Variants in ANKRD28 observed in about 807,000 individuals in gnomAD.
ANKRD28 encodes the protein serine/threonine-protein phosphatase 6 regulatory ankyrin repeat subunit A.
A neutral mutation model predicts 126.5 loss-of-function variants in ANKRD28; 44 were observed. That is an observed-to-expected ratio of 0.35 (90% CI 0.27 to 0.45). ANKRD28 has a LOEUF of 0.45. Among genes scored for constraint, ANKRD28 ranks in the 20% least tolerant of loss-of-function variants. The probability of loss-of-function intolerance (pLI) is 1.00; values close to 1 mark genes in which losing one functional copy is unlikely to be tolerated. For missense variants in ANKRD28, 1,110 were observed against 1,316.6 expected (o/e 0.84, Z 2.43); for synonymous variants, 442 against 468.5 (o/e 0.94, Z 0.73).
intron 1 of ANKRD28, among the ~76,000 whole-genome samples, chr3:15,829,819 T>A (rs2061150652): frequency 6.6e-6 from 1 of 152,160 alleles, no homozygotes; most frequent in East Asian, 1.9e-4. Flanking sequence ...GTGGCTTTCC[T>A]TGAAGTGACA....
chr3:15,696,266 AT>A (rs1289984673), intron 14 of ANKRD28, 21 bp from the exon 15 acceptor site: 2 of 1,432,492 alleles, frequency 1.4e-6, no homozygotes, highest in Non-Finnish European at 1.9e-6. Context: ...CAACAACAAC[AT>A]ACTGAAAATC....
chr3:15,810,610 G>T (rs997601381), intron 1 of ANKRD28, among the ~76,000 whole-genome samples: 1 of 151,294 alleles, frequency 6.6e-6, no homozygotes, highest in African/African-American at 2.4e-5. Flanking sequence ...TCTTAATTAC[G>T]TTAAATAGAA....
At chr3:15,682,612 G>T (rs927566479) in intron 21 of ANKRD28, among the ~76,000 whole-genome samples, 12 of 152,108 alleles carry the variant, frequency 7.9e-5, no homozygotes, top group African/African-American at 2.9e-4. Flanking sequence ...TGAACTTTTA[G>T]TATCTACAGC....
chr3:15,742,909 C>T (rs866718229), intron 4 of ANKRD28, among the ~76,000 whole-genome samples: 1,592 of 149,420 alleles, frequency 0.011, 16 homozygotes, highest in African/African-American at 0.026. Context: ...GCCATGATGA[C>T]AATGGTGGTT....
At chr3:15,697,840 G>A (rs577406245) in intron 14 of ANKRD28, among the ~76,000 whole-genome samples, 56 of 152,214 alleles carry the variant, frequency 3.7e-4, no homozygotes, top group African/African-American at 1.3e-3. Flanking sequence ...GGTAGAATTC[G>A]GCTGTGAATC....
intron 3 of ANKRD28, among the ~76,000 whole-genome samples, chr3:15,757,091 G>A (rs1228506671): frequency 2.6e-5 from 4 of 152,016 alleles, no homozygotes; most frequent in South Asian, 2.1e-4. Context: ...GATGATCTGC[G>A]TCCATTCAAT....
At chr3:15,859,139 C>G (rs1391779258) in intron 1 of ANKRD28, among the ~76,000 whole-genome samples, 2 of 152,224 alleles carry the variant, frequency 1.3e-5, no homozygotes, top group Non-Finnish European at 2.9e-5. Flanking sequence ...ACCCGCCCCT[C>G]TTGCTGCAGC....
rs2060797797 is a variant in ANKRD28 at position 15,814,737 on chromosome 3, A to G, written c.28-19431T>C. 6.6e-6 allele frequency among the ~76,000 whole-genome samples: 1 copy of G among 152,034 alleles called. No individual in the cohort carries two copies. Among genetic ancestry groups the G allele is most frequent in the Admixed American group, 6.6e-5 (1 of 15,260 alleles). ...TTTACCCATGGGGACGTGTTGATTT[A>G]AGAAACTGCCTATGAAAAGTTTAAA... On this transcript the variant is annotated intron_variant, in intron 1 of 27. Coordinates refer to the ANKRD28 transcript ENST00000399451. The surrounding 1 kb of genome is among the most constrained non-coding windows in gnomAD (Gnocchi z 4.7).
intron 1 of ANKRD28, among the ~76,000 whole-genome samples, chr3:15,849,344 A>G (rs1223188128): frequency 1.3e-5 from 2 of 152,218 alleles, no homozygotes; most frequent in Non-Finnish European, 2.9e-5. Context: ...CCAAAATCTT[A>G]AAAAACAAAA....
At chr3:15,706,037 C>T (rs529532947) in intron 14 of ANKRD28, among the ~76,000 whole-genome samples, 3 of 97,754 alleles carry the variant, frequency 3.1e-5, no homozygotes, top group South Asian at 2.8e-4. Context: ...AAAAAACCCA[C>T]AAAAACAAAC....
At chr3:15,820,499 T>G (rs2060919306) in intron 1 of ANKRD28, among the ~76,000 whole-genome samples, 1 of 152,174 alleles carries the variant, frequency 6.6e-6, no homozygotes, top group Admixed American at 6.5e-5. Flanking sequence ...ATACATTCAT[T>G]TTTTAAAAGG....
At chr3:15,679,610 G>C (rs2067308892) in intron 21 of ANKRD28, 47 bp from the exon 22 acceptor site, 5 of 1,457,344 alleles carry the variant, frequency 3.4e-6, no homozygotes, top group Non-Finnish European at 3.8e-6. Flanking sequence ...AGGAGATACT[G>C]GCAAAAATCA....
At chr3:15,776,298 C>T (rs960943693) in intron 2 of ANKRD28, among the ~76,000 whole-genome samples, 2 of 152,022 alleles carry the variant, frequency 1.3e-5, no homozygotes. Flanking sequence ...TAGAAATGCA[C>T]GCTTATGTGC....
At chr3:15,829,179 T>C (rs2061134648) in intron 1 of ANKRD28, among the ~76,000 whole-genome samples, 1 of 152,158 alleles carries the variant, frequency 6.6e-6, no homozygotes, top group Non-Finnish European at 1.5e-5. Context: ...GTATTATTTT[T>C]AATTTATTTA....
intron 4 of ANKRD28, among the ~76,000 whole-genome samples, chr3:15,744,649 G>A (rs534078986): frequency 6.6e-6 from 1 of 152,266 alleles, no homozygotes; most frequent in Admixed American, 6.5e-5. Context: ...GTCATTGACT[G>A]ATGCGTATTT....
intron 7 of ANKRD28, among the ~76,000 whole-genome samples, chr3:15,722,872 TC>T: frequency 6.6e-6 from 1 of 152,152 alleles, no homozygotes; most frequent in Admixed American, 6.6e-5. Context: ...ACTCTAAAAC[TC>T]TGGGAAGTTA....
At chr3:15,744,106 A>G (rs1351500070) in intron 4 of ANKRD28, among the ~76,000 whole-genome samples, 1 of 152,238 alleles carries the variant, frequency 6.6e-6, no homozygotes, top group Non-Finnish European at 1.5e-5. Flanking sequence ...CTTAATGAAA[A>G]TAAGTAACGA....
intron 4 of ANKRD28, among the ~76,000 whole-genome samples, chr3:15,747,432 T>C (rs1429413607): frequency 6.6e-6 from 1 of 152,222 alleles, no homozygotes; most frequent in African/African-American, 2.4e-5. Context: ...TTTCAATTTC[T>C]ATCTTGACTT....
intron 3 of ANKRD28, among the ~76,000 whole-genome samples, chr3:15,753,712 G>A (rs2057999957): frequency 6.8e-6 from 1 of 147,608 alleles, no homozygotes. Context: ...GGAGGCTGAG[G>A]TGGGCAGATT....
Sources: allele counts gnomAD v4.1 joint callset (sites outside exome capture counted in the v4.1 genomes callset), GRCh38; gene constraint gnomAD v4.1.1; non-coding constraint Gnocchi (gnomAD v3.1); transcripts MANE v1.5; gene names NCBI Gene and HGNC (gene_info 2026-07-23, HGNC 2026-07-21).